LARP1: variants seen among roughly 807,000 people sequenced by gnomAD.
LARP1 encodes the protein la-related protein 1.
LARP1 carries 36 observed loss-of-function variants against 122.7 expected under a neutral mutation model. That is an observed-to-expected ratio of 0.29 (90% CI 0.22 to 0.39). The LOEUF is 0.39. LARP1 is among the 10% of genes least tolerant of loss of function. The probability of loss-of-function intolerance (pLI) is 1.00; values close to 1 mark genes in which losing one functional copy is unlikely to be tolerated. For synonymous variants in LARP1, 539 were observed against 528.7 expected, an observed-to-expected ratio of 1.02 and a Z score of -0.27; for missense variants, 1,040 against 1,403.6, an observed-to-expected ratio of 0.74 and a Z score of 4.14.
chr5:154,687,451 G>A (rs981059849), intron 1 of LARP1, among the ~76,000 whole-genome samples: 2 of 152,084 alleles, frequency 1.3e-5, no homozygotes, highest in Non-Finnish European at 2.9e-5. Flanking sequence ...GCGTGATCTC[G>A]GCTCACTGCA....
chr5:154,756,880 T>A (rs1401636498), intron 1 of LARP1, among the ~76,000 whole-genome samples: 16 of 150,654 alleles, frequency 1.1e-4, no homozygotes, highest in Admixed American at 1.1e-3. Flanking sequence ...GCGAGTGTGC[T>A]GGGGGAGCCA....
chr5:154,788,376 G>C (rs888657540), intron 1 of LARP1, among the ~76,000 whole-genome samples: 10 of 152,190 alleles, frequency 6.6e-5, no homozygotes, highest in African/African-American at 2.4e-4. Flanking sequence ...GTATCTTGAG[G>C]GGGTAGTGGC....
chr5:154,714,204 T>C (rs1755366328), intron 1 of LARP1, among the ~76,000 whole-genome samples: 1 of 152,222 alleles, frequency 6.6e-6, no homozygotes, highest in Non-Finnish European at 1.5e-5. Context: ...GATTTAAAAA[T>C]ACATTTTGGG....
intron 1 of LARP1, among the ~76,000 whole-genome samples, chr5:154,697,904 C>T (rs1390558742): frequency 2.6e-5 from 4 of 152,192 alleles, no homozygotes; most frequent in African/African-American, 9.7e-5. Context: ...TGGCTCACTG[C>T]AGCCTCGGAC....
At chr5:154,713,623 A>G (rs1183483199) in intron 1 of LARP1, among the ~76,000 whole-genome samples, 1 of 152,216 alleles carries the variant, frequency 6.6e-6, no homozygotes, top group Non-Finnish European at 1.5e-5. Context: ...TTTCCAGGGA[A>G]TGGGGTCCCC....
At chr5:154,757,886 TTCCTCCCCTTCCCCCC>T (rs1754123760) in intron 1 of LARP1, among the ~76,000 whole-genome samples, 2 of 33,256 alleles carry the variant, frequency 6.0e-5, no homozygotes, top group African/African-American at 2.8e-4. Flanking sequence ...CCCTTCCCCC[TTCCTCCCCTTCCCCCC>T]TCCTCCCCTT....
chr5:154,721,985 T>C (rs1755900918), intron 1 of LARP1, among the ~76,000 whole-genome samples: 1 of 152,208 alleles, frequency 6.6e-6, no homozygotes, highest in African/African-American at 2.4e-5. Flanking sequence ...GCTTACCTCC[T>C]AAATATCTCC....
chr5:154,764,904 CAAA>C (rs57409005), intron 1 of LARP1, among the ~76,000 whole-genome samples: 3 of 102,436 alleles, frequency 2.9e-5, no homozygotes, highest in African/African-American at 3.3e-5. Context: ...GACTCCATCA[CAAA>C]AAAAAAAAAA....
intron 1 of LARP1, among the ~76,000 whole-genome samples, chr5:154,748,145 C>T (rs961236635): frequency 1.3e-5 from 2 of 152,188 alleles, no homozygotes; most frequent in African/African-American, 4.8e-5. Flanking sequence ...CCACTGTGCT[C>T]AGCCTAAAAA....
At chr5:154,770,729 C>T (rs780728669) in intron 1 of LARP1, among the ~76,000 whole-genome samples, 4 of 152,132 alleles carry the variant, frequency 2.6e-5, no homozygotes, top group Non-Finnish European at 4.4e-5. Context: ...TGCTGGAGCA[C>T]AGTCTGGGAA....
Position 154,755,777 on chromosome 5 carries a change from C to G in LARP1, c.20C>G (p.Pro7Arg). 1 of 989,220 alleles carries G rather than the reference C, an allele frequency of 1.0e-6. No individual in the cohort carries two copies. The highest frequency in any genetic ancestry group is 4.5e-5 in the South Asian group (1 of 22,284). The allele number at this position is 989,220 out of a possible 1,614,324, so 61.3% of individuals were successfully genotyped here. Residue 7 changes from proline to arginine, a missense_variant, in exon 1 of 19, where the codon CCG (proline) becomes CGG (arginine). Coordinates refer to ENST00000518297, the MANE Select transcript of LARP1 (RefSeq NM_033551.3). ...GCGCAGATGGCCACTCAGGTGGAGC[C>G]GCTGCTGCCTGGGGGCGCCACGCTC... MATQVEPLLPGGATLLQ... is the reference protein window; with the variant it reads MATQVERLLPGGATLLQ...
intron 1 of LARP1, among the ~76,000 whole-genome samples, chr5:154,740,029 TCTCTAAAAATGCCAAGCCCGCC>T (rs1272271877): frequency 5.5e-5 from 8 of 144,582 alleles, no homozygotes; most frequent in African/African-American, 2.1e-4. Context: ...TGAGACCTTG[TCTCTAAAAATGCCAAGCCCGCC>T]CTGGTCCCAA....
At chr5:154,813,068 A>G (rs1759418295) in intron 18 of LARP1, among the ~76,000 whole-genome samples, 1 of 141,380 alleles carries the variant, frequency 7.1e-6, no homozygotes, top group African/African-American at 2.7e-5. Context: ...GACCTTATTT[A>G]ACCCTTATGT....
chr5:154,753,703 G>T (rs1285017326), upstream of LARP1, among the ~76,000 whole-genome samples: 1 of 152,190 alleles, frequency 6.6e-6, no homozygotes, highest in Non-Finnish European at 1.5e-5. Flanking sequence ...CAGGAGAGGG[G>T]TCCAGGGAAG....
intron 1 of LARP1, among the ~76,000 whole-genome samples, chr5:154,777,098 T>C (rs1324122803): frequency 6.6e-6 from 1 of 152,216 alleles, no homozygotes; most frequent in African/African-American, 2.4e-5. Flanking sequence ...ACTTAGGTTG[T>C]ATAGTATAGC....
chr5:154,790,795 T>A, intron 3 of LARP1, 85 bp downstream of exon 3: 1 of 1,158,244 alleles, frequency 8.6e-7, no homozygotes, highest in Non-Finnish European at 1.3e-6. Flanking sequence ...GAGCCTCAGC[T>A]CTTACCTTTC....
intron 1 of LARP1, among the ~76,000 whole-genome samples, chr5:154,740,313 A>G (rs1363308063): frequency 1.3e-5 from 2 of 151,610 alleles, no homozygotes; most frequent in Non-Finnish European, 2.9e-5. Context: ...GAATCGCTTG[A>G]ATCTGGGAGG....
Position 154,793,508 on chromosome 5 carries a change from C to G in LARP1, c.740-87C>G, listed in dbSNP as rs114500278. The G allele has an allele frequency of 3.4e-4, 531 of 1,560,960 alleles. No individual in the cohort carries two copies. The African/African-American group carries it at 5.7e-3, about 17-fold the overall frequency. ...ACCAGATTGTGATTTGGGCCCAAGT[C>G]CAGGGCAGAAGAAGAGGAGTTGGGT... is the stretch of plus-strand genomic sequence containing the variant. On this transcript the variant is annotated intron_variant, in intron 4 of 18. Coordinates refer to ENST00000518297, the MANE Select transcript of LARP1 (RefSeq NM_033551.3).
intron 15 of LARP1, among the ~76,000 whole-genome samples, chr5:154,806,978 C>T (rs1758842082): frequency 6.6e-6 from 1 of 152,176 alleles, no homozygotes; most frequent in Non-Finnish European, 1.5e-5. Flanking sequence ...GCAAACTACT[C>T]CCCACCCCCA....
Sources: allele counts gnomAD v4.1 joint callset (sites outside exome capture counted in the v4.1 genomes callset), GRCh38; gene constraint gnomAD v4.1.1; transcripts MANE v1.5; gene names NCBI Gene and HGNC (gene_info 2026-07-23, HGNC 2026-07-21).